The following ITPR2 variants were observed in gnomAD, a reference collection of about 807,000 sequenced individuals.
ITPR2 encodes inositol 1,4,5-trisphosphate-gated calcium channel ITPR2.
ITPR2 carries 207 observed loss-of-function variants against 317.1 expected under a neutral mutation model. That is an observed-to-expected ratio of 0.65 (90% CI 0.58 to 0.73). The LOEUF (loss-of-function observed/expected upper bound fraction) is 0.73. Ranked by LOEUF, ITPR2 falls within the 30% of genes least tolerant of loss-of-function variation. ITPR2 has a pLI of 0.00. For synonymous variants in ITPR2, 1,156 were observed against 1,149.1 expected (o/e 1.01, Z -0.12); for missense variants, 2,613 against 3,284.0 (o/e 0.80, Z 4.99).
chr12:26,605,120 A>T (rs1244387502), intron 26 of ITPR2, among the ~76,000 whole-genome samples: 1 of 104,236 alleles, frequency 9.6e-6, no homozygotes, highest in African/African-American at 3.9e-5. Context: ...AAAAATAAAA[A>T]ATAAAAATAT....
intron 46 of ITPR2, among the ~76,000 whole-genome samples, chr12:26,439,724 C>T (rs1479708161): frequency 2.0e-5 from 3 of 152,120 alleles, no homozygotes; most frequent in African/African-American, 7.2e-5. Flanking sequence ...GCCTCTTCAT[C>T]CTAAAAGGGG....
intron 37 of ITPR2, among the ~76,000 whole-genome samples, chr12:26,516,529 T>A (rs1209971079): frequency 6.6e-6 from 1 of 151,316 alleles, no homozygotes; most frequent in African/African-American, 2.4e-5. Context: ...ATAAGGAATA[T>A]AAAGGGGAAA....
At chr12:26,656,575 A>C in intron 18 of ITPR2, 27 bp from the exon 19 acceptor site, 1 of 1,610,926 alleles carries the variant, frequency 6.2e-7, no homozygotes, top group Non-Finnish European at 8.5e-7. Context: ...ATATTACATT[A>C]TTGTCTTATC....
At chr12:26,761,483 C>A (rs1272948245) in intron 2 of ITPR2, among the ~76,000 whole-genome samples, 1 of 152,166 alleles carries the variant, frequency 6.6e-6, no homozygotes, top group African/African-American at 2.4e-5. Context: ...ATAAAGAGGT[C>A]AAAATAATCA....
intron 21 of ITPR2, among the ~76,000 whole-genome samples, chr12:26,645,010 C>A (rs559896992): frequency 2.0e-5 from 3 of 152,178 alleles, no homozygotes; most frequent in Admixed American, 2.0e-4. Flanking sequence ...ATGGAGACAG[C>A]CCTGAAGACA....
At chr12:26,786,449 T>TA (rs59014121) in intron 2 of ITPR2, among the ~76,000 whole-genome samples, 1,226 of 119,190 alleles carry the variant, frequency 0.01, 21 homozygotes, top group African/African-American at 0.031. Context: ...GAATGATCAA[T>TA]AAAAAAAAAA....
chr12:26,557,016 T>C (rs1411115522), intron 35 of ITPR2, among the ~76,000 whole-genome samples: 1 of 151,762 alleles, frequency 6.6e-6, no homozygotes, highest in Non-Finnish European at 1.5e-5. Context: ...GAGGCGGAGG[T>C]TGCAGTGACG....
At chr12:26,504,551 CA>C (rs754694211) in intron 37 of ITPR2, among the ~76,000 whole-genome samples, 27 of 152,232 alleles carry the variant, frequency 1.8e-4, no homozygotes, top group Non-Finnish European at 3.4e-4. Flanking sequence ...ATGGTGGAGA[CA>C]CCATTTTATA....
chr12:26,404,328 G>C (rs1055258022), intron 52 of ITPR2, among the ~76,000 whole-genome samples: 1 of 152,188 alleles, frequency 6.6e-6, no homozygotes, highest in African/African-American at 2.4e-5. Context: ...TGGTTGTAGG[G>C]TGTTTTGATG....
At chr12:26,679,748 T>G (rs1401411052) in intron 13 of ITPR2, among the ~76,000 whole-genome samples, 1 of 152,120 alleles carries the variant, frequency 6.6e-6, no homozygotes, top group African/African-American at 2.4e-5. Flanking sequence ...CTTTTTCAAT[T>G]TTTGTTTTTG....
intron 1 of ITPR2, among the ~76,000 whole-genome samples, chr12:26,790,483 C>T (rs7979400): frequency 0.28 from 42,504 of 151,860 alleles, 7,301 homozygotes; most frequent in East Asian, 0.74. Context: ...TGGAACACTG[C>T]GGAGCTGTTT....
At chr12:26,669,510 C>A (rs1409781876) in intron 13 of ITPR2, among the ~76,000 whole-genome samples, 1 of 152,190 alleles carries the variant, frequency 6.6e-6, no homozygotes, top group African/African-American at 2.4e-5. Flanking sequence ...CATGGTGAAA[C>A]TTAAGACATC....
chr12:26,780,228 C>T (rs1286472614), intron 2 of ITPR2, among the ~76,000 whole-genome samples: 7 of 152,154 alleles, frequency 4.6e-5, no homozygotes, highest in African/African-American at 1.7e-4. Flanking sequence ...ACTGAGCCTT[C>T]GATATGGCAC....
intron 23 of ITPR2, among the ~76,000 whole-genome samples, chr12:26,625,271 T>C (rs535315449): frequency 6.6e-6 from 1 of 152,242 alleles, no homozygotes; most frequent in South Asian, 2.1e-4. Context: ...AGATCTAGTA[T>C]ACAGAGTGAC....
intron 47 of ITPR2, among the ~76,000 whole-genome samples, chr12:26,437,840 C>T (rs947803984): frequency 3.3e-5 from 5 of 152,110 alleles, no homozygotes; most frequent in Non-Finnish European, 7.4e-5. Flanking sequence ...CTCACTCTGT[C>T]GCCCAGGCTG....
chr12:26,644,064 C>A (rs555557498), intron 21 of ITPR2, among the ~76,000 whole-genome samples: 5 of 152,240 alleles, frequency 3.3e-5, no homozygotes, highest in South Asian at 4.1e-4. Flanking sequence ...GACCTACTGT[C>A]CAAAACAATG....
At chr12:26,536,549 A>T (rs1374802323) in intron 37 of ITPR2, among the ~76,000 whole-genome samples, 1 of 151,054 alleles carries the variant, frequency 6.6e-6, no homozygotes, top group African/African-American at 2.4e-5. Flanking sequence ...AAGGAAACTG[A>T]ATGGAAAGGA....
chr12:26,500,709 C>T (rs943572203), intron 37 of ITPR2, among the ~76,000 whole-genome samples: 90 of 152,130 alleles, frequency 5.9e-4, no homozygotes, highest in African/African-American at 1.9e-3. Flanking sequence ...GTTTTTCCCA[C>T]CCACTCCCTG....
chr12:26,370,677 T>C (rs1565492132), intron 55 of ITPR2, among the ~76,000 whole-genome samples: 1 of 152,072 alleles, frequency 6.6e-6, no homozygotes, highest in African/African-American at 2.4e-5. Flanking sequence ...TGTTGTTTGT[T>C]GTTTGTTTGT....
Sources: gnomAD v4.1 joint callset for allele counts (sites outside exome capture counted in the v4.1 genomes callset) on GRCh38, gnomAD v4.1.1 for gene constraint, MANE v1.5 for transcripts, NCBI Gene and HGNC (gene_info 2026-07-23, HGNC 2026-07-21) for gene names.